The following ICAM1 variants were observed in gnomAD, a reference collection of about 807,000 sequenced individuals.
ICAM1 encodes the protein intercellular adhesion molecule 1.
A neutral mutation model predicts 42.3 loss-of-function variants in ICAM1; 28 were observed. The ratio of observed to expected loss-of-function variants is 0.66; its 90% CI spans 0.49 to 0.91. ICAM1 has a LOEUF of 0.91. Ranked by LOEUF, ICAM1 falls within the 40% of genes least tolerant of loss-of-function variation. The pLI is 0.00. For missense variants in ICAM1, 637 were observed against 688.6 expected, an observed-to-expected ratio of 0.93 and a Z score of 0.84; for synonymous variants, 304 against 305.9, an observed-to-expected ratio of 0.99 and a Z score of 0.07.
At chr19:10,280,372 GTTTTAT>G (rs1378674242) in intron 2 of ICAM1, among the ~76,000 whole-genome samples, 3 of 152,014 alleles carry the variant, frequency 2.0e-5, no homozygotes, top group Non-Finnish European at 4.4e-5. Flanking sequence ...ACAGCTTTCT[GTTTTAT>G]TTTTAGAGAC....
At chr19:10,285,094 C>T (rs1463682917) in intron 6 of ICAM1, 21 bp from the exon 7 acceptor site, 9 of 1,613,758 alleles carry the variant, frequency 5.6e-6, no homozygotes, top group African/African-American at 1.3e-5. Flanking sequence ...ATCCTCACCG[C>T]CTGTTGTATC....
intron 1 of ICAM1, 78 bp from the exon 2 acceptor site, chr19:10,274,687 C>T: frequency 6.6e-7 from 1 of 1,512,798 alleles, no homozygotes; most frequent in Non-Finnish European, 9.0e-7. Flanking sequence ...GCCTCCAGCA[C>T]CCAGCACAGG....
At chr19:10,278,255 A>G (rs2040030712) in intron 2 of ICAM1, among the ~76,000 whole-genome samples, 1 of 152,160 alleles carries the variant, frequency 6.6e-6, no homozygotes, top group African/African-American at 2.4e-5. Context: ...AGTCCCAGCA[A>G]GGCCTTTAAT....
chr19:10,276,544 C>CAAAA (rs71162059), intron 2 of ICAM1, among the ~76,000 whole-genome samples: 4 of 72,888 alleles, frequency 5.5e-5, no homozygotes, highest in Non-Finnish European at 7.9e-5. Context: ...GACTCCATCT[C>CAAAA]AAAAAAAAAA....
intron 1 of ICAM1, among the ~76,000 whole-genome samples, chr19:10,272,625 C>T (rs1019201569): frequency 2.3e-5 from 3 of 130,106 alleles, no homozygotes; most frequent in Non-Finnish European, 4.6e-5. Flanking sequence ...AGTGCAGTGG[C>T]GTGATCTCGG....
chr19:10,284,055 A>G lies in ICAM1; in HGVS notation c.660A>G (p.Gln220=). The G allele has an allele frequency of 6.2e-7, 1 of 1,613,424 alleles. No individual in the cohort carries two copies. The highest frequency in any genetic ancestry group is 8.5e-7 in the Non-Finnish European group (1 of 1,179,716). Residue 220 remains glutamine (Q), a synonymous_variant, in exon 4 of 7, where the codon CAA becomes CAG. Coordinates refer to ENST00000264832, the MANE Select transcript of ICAM1 (RefSeq NM_000201.3). This position sits in a 1 kb window ranked among gnomAD's most constrained non-coding sequence, Gnocchi z 5.4. The stretch of plus-strand genomic sequence containing the variant: ...TAGTCCTGCCAGCGACTCCCCCACA[A>G]CTTGTCAGCCCCCGGGTCCTAGAGG... ...QTFVLPATPP[Q]LVSPRVLEVD...
chr19:10,274,451 A>G (rs1377699348), intron 1 of ICAM1, among the ~76,000 whole-genome samples: 1 of 151,748 alleles, frequency 6.6e-6, no homozygotes, highest in East Asian at 1.9e-4. Context: ...AATAGCTAGG[A>G]CTACAGGCAC....
chr19:10,274,791 T>A lies in ICAM1; in HGVS notation c.94T>A (p.Ser32Thr), dbSNP rs2040005097. The change falls in exon 2 of 7, where the codon TCC becomes ACC. Residue 32 changes from serine (S) to threonine (T), a missense_variant. By Grantham distance (58) the Ser-to-Thr change is moderately conservative. Transcript: ENST00000264832. ...PGPGNAQTSV[S>T]PSKVILPRGG... Reference sequence around the variant, plus strand: ...ACCTGGCAATGCCCAGACATCTGTGTCCCCCTCAAAAGTCATCCTGCCCCG... The same window carrying A: ...ACCTGGCAATGCCCAGACATCTGTGACCCCCTCAAAAGTCATCCTGCCCCG... The A allele has an allele frequency of 6.2e-7, 1 of 1,613,858 alleles. No homozygotes were observed. The highest frequency in any genetic ancestry group is 1.3e-5 in the African/African-American group (1 of 74,918).
Position 10,285,346 on chromosome 19 carries a change from C to T in ICAM1, c.*59C>T. On this transcript the variant is annotated 3_prime_UTR_variant, in exon 7 of 7. Transcript: ENST00000264832. ...TCCCATATTGGTGGCAGTGGTGCCA[C>T]ACTGAACAGAGTGGAAGACATATGC... 3 of 1,526,444 alleles carry T rather than the reference C, an allele frequency of 2.0e-6. No homozygotes were observed. Among genetic ancestry groups the T allele is most frequent in the African/African-American group, 2.7e-5 (2 of 72,980 alleles). 94.6% of individuals were successfully genotyped at this position (1,526,444 alleles called of 1,614,324 possible).
At chr19:10,273,392 T>C (rs1167923940) in intron 1 of ICAM1, among the ~76,000 whole-genome samples, 3 of 151,788 alleles carry the variant, frequency 2.0e-5, no homozygotes, top group Non-Finnish European at 4.4e-5. Context: ...CTCGGGAGGC[T>C]GAGGCAGGAG....
rs1243785346 is a variant in ICAM1, at chr19:10,284,654, C to T, written c.1177C>T (p.Leu393=). 1 of 1,613,848 alleles carries T rather than the reference C, an allele frequency of 6.2e-7. No individual in the cohort carries two copies. The highest frequency in any genetic ancestry group is 1.7e-5 in the Admixed American group (1 of 59,978). The change falls in exon 5 of 7, where the codon CTG becomes TTG. Residue 393 remains leucine (L), a synonymous_variant. Coordinates refer to ENST00000264832, the MANE Select transcript of ICAM1 (RefSeq NM_000201.3). This position sits in a 1 kb window ranked among gnomAD's most constrained non-coding sequence, Gnocchi z 5.4. ...HKNQTRELRV[L]YGPRLDERDC... is the part of the protein sequence containing the mutation. Reference sequence around the variant, plus strand: ...GAACCAGACCCGGGAGCTTCGTGTCCTGTGTGAGTGGGGCTGCTGGTCAAT... The same window carrying T: ...GAACCAGACCCGGGAGCTTCGTGTCTTGTGTGAGTGGGGCTGCTGGTCAAT...
In ICAM1 at chr19:10,284,621, A is replaced by C; in HGVS notation, c.1144A>C (p.Ile382Leu). The stretch of plus-strand genomic sequence containing the variant: ...AACCCTGGAGGTGGCCGGCCAGCTT[A>C]TACACAAGAACCAGACCCGGGAGCT... ...SATLEVAGQL[I>L]HKNQTRELRV... Residue 382 changes from isoleucine to leucine, a missense_variant, in exon 5 of 7, where the codon ATA (isoleucine) becomes CTA (leucine). Ile to Leu is a conservative substitution (Grantham distance 5, BLOSUM62 2). Transcript: ENST00000264832. This position sits in a 1 kb window ranked among gnomAD's most constrained non-coding sequence, Gnocchi z 5.4. The C allele has an allele frequency of 6.2e-7, 1 of 1,614,124 alleles. No individual in the cohort carries two copies. The highest frequency in any genetic ancestry group is 8.5e-7 in the Non-Finnish European group (1 of 1,180,022).
Position 10,284,749 on chromosome 19 carries a change from C to T in ICAM1, c.1181-34C>T. On this transcript the variant is annotated intron_variant, in intron 5 of 6. Coordinates refer to ENST00000264832, the MANE Select transcript of ICAM1 (RefSeq NM_000201.3). The surrounding 1 kb of genome is among the most constrained non-coding windows in gnomAD (Gnocchi z 5.4). ...GTCTTGCCTCCAAGTCCTGCCCCCA[C>T]CCACCTCCATGTCATCTCATCGTGT... The T allele has an allele frequency of 6.2e-7, 1 of 1,607,360 alleles. No individual in the cohort carries two copies. Among genetic ancestry groups the T allele is most frequent in the Non-Finnish European group, 8.5e-7 (1 of 1,178,184 alleles).
At position 10,284,429 on chromosome 19, in the gene ICAM1, A is replaced by G; in HGVS notation, c.952A>G (p.Thr318Ala). ...CTTTCCGGCGCCCAACGTGATTCTG[A>G]CGAAGCCAGAGGTCTCAGAAGGGAC... ...YSFPAPNVIL[T>A]KPEVSEGTEV... is the part of the protein sequence containing the mutation. The change falls in exon 5 of 7, where the codon ACG becomes GCG. Residue 318 changes from threonine to alanine, a missense_variant. Physicochemically the swap from Thr to Ala is moderately conservative, Grantham distance 58 (BLOSUM62 0). Coordinates refer to ENST00000264832, the MANE Select transcript of ICAM1 (RefSeq NM_000201.3). This position sits in a 1 kb window ranked among gnomAD's most constrained non-coding sequence, Gnocchi z 5.4. 1 of 1,613,628 alleles carries G rather than the reference A, an allele frequency of 6.2e-7. No homozygotes were observed. Among genetic ancestry groups the G allele is most frequent in the Non-Finnish European group, 8.5e-7 (1 of 1,179,998 alleles).
intron 1 of ICAM1, among the ~76,000 whole-genome samples, chr19:10,272,910 G>A (rs1367533360): frequency 6.6e-6 from 1 of 152,116 alleles, no homozygotes; most frequent in African/African-American, 2.4e-5. Flanking sequence ...TATTAGCAAG[G>A]GATGGGGTGG....
At chr19:10,283,272 G>T in intron 2 of ICAM1, 1 of 505,958 alleles carries the variant, frequency 2.0e-6, no homozygotes, top group East Asian at 3.1e-5. Flanking sequence ...CTGCTGTCAT[G>T]AATAAGGAAT....
chr19:10,279,896 G>A (rs1239384715), intron 2 of ICAM1, among the ~76,000 whole-genome samples: 2 of 151,728 alleles, frequency 1.3e-5, no homozygotes, highest in African/African-American at 2.4e-5. Flanking sequence ...TTGATGGGAG[G>A]AAGGGTGAGG....
Position 10,283,585 on chromosome 19 carries a change from C to T in ICAM1, c.436C>T (p.Leu146Phe). The T allele has an allele frequency of 6.2e-7, 1 of 1,613,876 alleles. No individual in the cohort carries two copies. Among genetic ancestry groups the T allele is most frequent in the Non-Finnish European group, 8.5e-7 (1 of 1,179,974 alleles). The change falls in exon 3 of 7, where the codon CTC (leucine) becomes TTC (phenylalanine). Residue 146 changes from leucine to phenylalanine, a missense_variant. Leu to Phe is a conservative substitution (Grantham distance 22, BLOSUM62 0). Transcript: ENST00000264832. ...GGAGGGTGGGGCACCCCGGGCCAAC[C>T]TCACCGTGGTGCTGCTCCGTGGGGA... ...QVEGGAPRAN[L>F]TVVLLRGEKE... is the part of the protein sequence containing the mutation.
chr19:10,274,021 A>T lies in ICAM1; in HGVS notation c.68-744A>T, dbSNP rs149069819. On this transcript the variant is annotated intron_variant, in intron 1 of 6. Transcript: ENST00000264832. The stretch of plus-strand genomic sequence containing the variant: ...AAAGCGAGACTCCATCTCAAAAAAA[A>T]AAAAAATAAAAGAACACATCTTTAG... Among the ~76,000 whole-genome samples, 135 of 152,140 alleles carry T rather than the reference A, an allele frequency of 8.9e-4. 1 individual carries two copies. Among genetic ancestry groups the T allele is most frequent in the African/African-American group, 3.1e-3 (128 of 41,518 alleles).
Sources: gnomAD v4.1 joint callset for allele counts (sites outside exome capture counted in the v4.1 genomes callset) on GRCh38, gnomAD v4.1.1 for gene constraint, Gnocchi (gnomAD v3.1) non-coding constraint, MANE v1.5 for transcripts, NCBI Gene and HGNC (gene_info 2026-07-23, HGNC 2026-07-21) for gene names.